Variants in HADH observed in about 807,000 individuals in gnomAD.
HADH encodes the protein hydroxyacyl-CoA dehydrogenase, also known as hydroxyacyl-coenzyme A dehydrogenase, mitochondrial.
A neutral mutation model predicts 32.2 loss-of-function variants in HADH; 24 were observed. The ratio of observed to expected loss-of-function variants is 0.75; its 90% CI spans 0.54 to 1.05. The LOEUF is 1.05. HADH is among the 50% of genes least tolerant of loss of function. The pLI, the probability that HADH is intolerant of heterozygous loss-of-function variation, is 0.00. For synonymous variants in HADH, 139 were observed against 152.5 expected (o/e 0.91, Z 0.65); for missense variants, 350 against 397.1 (o/e 0.88, Z 1.01).
intron 1 of HADH, among the ~76,000 whole-genome samples, chr4:108,003,105 CT>C (rs11390276): frequency 3.1e-4 from 39 of 124,184 alleles, no homozygotes; most frequent in African/African-American, 4.2e-4. Context: ...GTGTCTTAGT[CT>C]TTTTTTTTTT....
intron 1 of HADH, among the ~76,000 whole-genome samples, chr4:108,002,098 G>A (rs906854571): frequency 1.3e-5 from 2 of 152,170 alleles, no homozygotes; most frequent in Non-Finnish European, 2.9e-5. Context: ...AAAGGGGCTT[G>A]AGAGACCAAC....
chr4:108,022,022 C>T (rs1027547203), intron 4 of HADH, among the ~76,000 whole-genome samples: 2 of 152,134 alleles, frequency 1.3e-5, no homozygotes, highest in Non-Finnish European at 2.9e-5. Context: ...GTCAGACGGC[C>T]CTCTTGCACA....
chr4:108,000,631 A>C (rs1735094172), intron 1 of HADH, among the ~76,000 whole-genome samples: 1 of 152,212 alleles, frequency 6.6e-6, no homozygotes, highest in African/African-American at 2.4e-5. Context: ...CTAGAGGCAC[A>C]AAAGAAGTGA....
chr4:108,033,416 A>T (rs1030679632), intron 7 of HADH, 124 bp downstream of exon 7: 2 of 719,984 alleles, frequency 2.8e-6, no homozygotes, highest in African/African-American at 3.5e-5. Context: ...CTGCCTCACC[A>T]GGTTGAGAAT....
intron 1 of HADH, among the ~76,000 whole-genome samples, chr4:107,997,347 G>A (rs1420804439): frequency 6.6e-6 from 1 of 152,190 alleles, no homozygotes; most frequent in African/African-American, 2.4e-5. Flanking sequence ...GGGAGGAGAT[G>A]GGAGGGAGAC....
At chr4:108,032,359 T>A (rs781502786) in intron 6 of HADH, 1 of 1,601,264 alleles carries the variant, frequency 6.2e-7, no homozygotes, top group Non-Finnish European at 8.5e-7. Context: ...TAACTCGGGT[T>A]TGGGCTTTTC....
chr4:108,022,281 TA>T (rs1735919850), intron 4 of HADH, among the ~76,000 whole-genome samples: 1 of 151,376 alleles, frequency 6.6e-6, no homozygotes. Context: ...AATATATATA[TA>T]TATACTTCAT....
intron 6 of HADH, chr4:108,028,811 T>C (rs1736155679): frequency 5.0e-6 from 2 of 398,466 alleles, no homozygotes; most frequent in Non-Finnish European, 8.8e-6. Flanking sequence ...ATCCACCTTT[T>C]AATGGTGTTT....
chr4:108,004,728 T>C lies in HADH; in HGVS notation c.133-5031T>C, dbSNP rs1057125624. The C allele has an allele frequency of 2.0e-6, 3 of 1,533,102 alleles. No individual in the cohort carries two copies. In the African/African-American group the frequency reaches 4.1e-5, roughly 21 times the overall value. The allele number at this position is 1,533,102 out of a possible 1,614,324, so 95.0% of individuals were successfully genotyped here. On this transcript the variant is annotated intron_variant, in intron 1 of 7. Transcript: ENST00000309522. ...TCAAGAAAGGAATGAAGAGAGAAGT[T>C]AGATGGAAAAGAGATTTTTAAGGTC...
In HADH at chr4:108,034,915, G is replaced by C; in HGVS notation, c.*558G>C. The C allele has an allele frequency of 5.1e-6, 1 of 197,764 alleles. No homozygotes were observed. Among genetic ancestry groups the C allele is most frequent in the Non-Finnish European group, 1.1e-5 (1 of 94,480 alleles). 12.3% of individuals were successfully genotyped at this position (197,764 alleles called of 1,614,324 possible). ...AGCTCGTCGTGAAGATGCTGCTGCT[G>C]AATGGGTCAGCATATCTCTGTTTGC... On this transcript the variant is annotated 3_prime_UTR_variant, in exon 8 of 8. Transcript: ENST00000309522.
chr4:108,009,903 C>G lies in HADH; in HGVS notation c.261+16C>G, dbSNP rs71601073. On this transcript the variant is annotated intron_variant, in intron 2 of 7. Transcript: ENST00000309522. ...AAACCTTAAGGTAATTTCTTATTAT[C>G]GATGTCTTCAAGACAAGTCCTCTGA... 1.3e-6 allele frequency: 2 copies of G among 1,578,934 alleles called. No individual in the cohort carries two copies. Among genetic ancestry groups the G allele is most frequent in the African/African-American group, 2.7e-5 (2 of 73,996 alleles).
intron 2 of HADH, 86 bp downstream of exon 2, chr4:108,009,973 C>CTT: frequency 9.5e-6 from 5 of 525,796 alleles, no homozygotes; most frequent in East Asian, 4.1e-5. Flanking sequence ...GGCTTTCTTT[C>CTT]TTTCTTTTTT....
At chr4:107,998,703 C>A (rs1022160491) in intron 1 of HADH, among the ~76,000 whole-genome samples, 1 of 151,902 alleles carries the variant, frequency 6.6e-6, no homozygotes, top group Admixed American at 6.6e-5. Context: ...ATGCATGAGG[C>A]AATAGTTGTG....
At chr4:108,017,007 C>CCATA (rs1735714505) in intron 3 of HADH, among the ~76,000 whole-genome samples, 1 of 152,138 alleles carries the variant, frequency 6.6e-6, no homozygotes, top group Non-Finnish European at 1.5e-5. Flanking sequence ...AAGGCATGAC[C>CCATA]CATAGTCATA....
intron 1 of HADH, among the ~76,000 whole-genome samples, chr4:108,008,954 C>T (rs901862375): frequency 6.6e-6 from 1 of 152,186 alleles, no homozygotes; most frequent in Non-Finnish European, 1.5e-5. Context: ...TTGTCACTCA[C>T]TGTGACTAAG....
intron 2 of HADH, among the ~76,000 whole-genome samples, chr4:108,013,030 T>C (rs1287579731): frequency 6.6e-6 from 1 of 152,246 alleles, no homozygotes; most frequent in African/African-American, 2.4e-5. Flanking sequence ...CCTCCCGGGT[T>C]CACGCCATTC....
Position 108,033,158 on chromosome 4 carries a change from C to T in HADH, c.710-18C>T, listed in dbSNP as rs535070313. On this transcript the variant is annotated intron_variant, in intron 6 of 7. Transcript: ENST00000309522. Reference sequence around the variant, plus strand: ...AAGGAAAGGTGGTGGTGACCCAGTGCTGCCGTTTTCTCCTTAGGTGACGCA... The same window carrying T: ...AAGGAAAGGTGGTGGTGACCCAGTGTTGCCGTTTTCTCCTTAGGTGACGCA... The T allele has an allele frequency of 4.8e-5, 61 of 1,258,470 alleles. 1 individual carries two copies. In the South Asian group the frequency reaches 6.8e-4, roughly 14 times the overall value. The allele number at this position is 1,258,470 out of a possible 1,614,324, so 78.0% of individuals were successfully genotyped here. A position where few individuals can be genotyped will look rare whatever the true frequency, so the allele number is the denominator to read the frequency against.
At chr4:108,032,446 A>G (rs2126241256) in intron 6 of HADH, 2 of 862,588 alleles carry the variant, frequency 2.3e-6, no homozygotes, top group Admixed American at 1.7e-5. Context: ...AAAACCCAAA[A>G]AACTGGGGGA....
intron 2 of HADH, among the ~76,000 whole-genome samples, chr4:108,012,219 T>A (rs1166171535): frequency 2.0e-5 from 3 of 151,088 alleles, no homozygotes; most frequent in African/African-American, 7.4e-5. Flanking sequence ...TTGATATGCA[T>A]TTTTTCCCCA....
Sources: allele counts gnomAD v4.1 joint callset (sites outside exome capture counted in the v4.1 genomes callset), GRCh38; gene constraint gnomAD v4.1.1; transcripts MANE v1.5; gene names NCBI Gene and HGNC (gene_info 2026-07-23, HGNC 2026-07-21).